The following ZCCHC8 variants were observed in gnomAD, a reference collection of about 807,000 sequenced individuals.
The protein encoded by ZCCHC8 is zinc finger CCHC domain-containing protein 8.
A neutral mutation model predicts 70.6 loss-of-function variants in ZCCHC8; 27 were observed. That is an observed-to-expected ratio of 0.38 (90% CI 0.28 to 0.53). The LOEUF (loss-of-function observed/expected upper bound fraction) is 0.53, where lower values mean the gene tolerates loss of function less well. Ranked by LOEUF, ZCCHC8 falls within the 20% of genes least tolerant of loss-of-function variation. ZCCHC8 has a pLI of 0.81. For synonymous variants in ZCCHC8, 293 were observed against 317.4 expected (o/e 0.92, Z 0.82); for missense variants, 737 against 876.9 (o/e 0.84, Z 2.01).
At position 122,480,325 on chromosome 12, in the gene ZCCHC8, TA is replaced by T; in HGVS notation, c.1019-15del. ...CATCAGTGCCATCTATTACAGACCATAAAAAGTGTTAATATTGCTAAATGTC... is the reference window on the plus strand; with the variant it reads ...CATCAGTGCCATCTATTACAGACCATAAAAGTGTTAATATTGCTAAATGTC... On this transcript the variant is annotated splice_polypyrimidine_tract_variant and intron_variant, in intron 10 of 13. Coordinates refer to ENST00000633063, the MANE Select transcript of ZCCHC8 (RefSeq NM_017612.5). The T allele has an allele frequency of 6.3e-7, 1 of 1,596,688 alleles. No individual in the cohort carries two copies. The highest frequency in any genetic ancestry group is 8.5e-7 in the Non-Finnish European group (1 of 1,171,428).
chr12:122,497,736 T>C (rs540201136), intron 2 of ZCCHC8, among the ~76,000 whole-genome samples: 1 of 151,822 alleles, frequency 6.6e-6, no homozygotes, highest in Non-Finnish European at 1.5e-5. Context: ...AGGCTGGGCA[T>C]GGTGGCTCAT....
In ZCCHC8 at chr12:122,471,884, T is replaced by C. The variant is rs944514938; in HGVS notation, c.*1613A>G. 6.6e-6 allele frequency: 1 copy of C among 152,146 alleles called. No homozygotes were observed. The highest frequency in any genetic ancestry group is 2.4e-5 in the African/African-American group (1 of 41,432). 9.4% of individuals were successfully genotyped at this position (152,146 alleles called of 1,614,324 possible). A position where few individuals can be genotyped will look rare whatever the true frequency, so the allele number is the denominator to read the frequency against. On this transcript the variant is annotated 3_prime_UTR_variant, in exon 14 of 14. Transcript: ENST00000633063. ...CAATTCAAGACGATCTAAACATTTATTTTCATGGACTTGACTAATATAAAG... is the reference window on the plus strand; with the variant it reads ...CAATTCAAGACGATCTAAACATTTACTTTCATGGACTTGACTAATATAAAG...
In ZCCHC8 at chr12:122,473,955, A is replaced by T. The variant is rs938733311; in HGVS notation, c.1666T>A (p.Ser556Thr). The T allele has an allele frequency of 4.4e-6, 7 of 1,607,614 alleles. No individual in the cohort carries two copies. The highest frequency in any genetic ancestry group is 5.9e-6 in the Non-Finnish European group (7 of 1,177,896). The change falls in exon 14 of 14, where the codon TCA (serine) becomes ACA (threonine). Residue 556 changes from serine to threonine, a missense_variant. By Grantham distance (58) the Ser-to-Thr change is moderately conservative. Transcript: ENST00000633063. ...TCTAGCTCATTTGGACAAGGTGATG[A>T]GGCAACGGAATTGCCAGTTAAAGGT... ...DTPLTGNSVASSPCPNELDLP... is the reference protein window; with the variant it reads ...DTPLTGNSVATSPCPNELDLP...
chr12:122,481,210 G>A (rs956454504), intron 10 of ZCCHC8: 3 of 187,920 alleles, frequency 1.6e-5, no homozygotes, highest in Non-Finnish European at 3.3e-5. Context: ...ACATTTTACA[G>A]GTCTCCTGGC....
In ZCCHC8 at chr12:122,482,674, A is replaced by G. The variant is rs370454335; in HGVS notation, c.693T>C (p.Asn231=). The change falls in exon 8 of 14, where the codon AAT becomes AAC. Residue 231 remains asparagine (N), a synonymous_variant. Coordinates refer to ENST00000633063, the MANE Select transcript of ZCCHC8 (RefSeq NM_017612.5). ...TCATTTGGTGTTCTTCAGAACCACA[A>G]TTGAAACAGTGAGGCTTTGGCCTAT... The part of the protein sequence containing the change: ...KAKRPKPHCF[N]CGSEEHQMKD... 5.0e-6 allele frequency: 8 copies of G among 1,608,256 alleles called. 1 individual carries two copies. The Middle Eastern group carries it at 6.8e-4, about 136-fold the overall frequency.
rs545336204 is a variant in ZCCHC8 at position 122,494,390 on chromosome 12, A to T, written c.243-1601T>A. Among the ~76,000 whole-genome samples the T allele has an allele frequency of 7.6e-5, 10 of 132,160 alleles. 1 individual carries two copies. The highest frequency in any genetic ancestry group is 6.7e-4 in the Admixed American group (9 of 13,340). 86.7% of individuals were successfully genotyped at this position (132,160 alleles called of 152,430 possible). On this transcript the variant is annotated intron_variant, in intron 2 of 13. Transcript: ENST00000633063. ...AACATGGTGCAACCCCGTTTCTACT[A>T]AAAAAAAAAAAAATACAAAAATTAG...
chr12:122,481,674 A>AAT lies in ZCCHC8; in HGVS notation c.876-12_876-11dup. The AAT allele has an allele frequency of 6.2e-7, 1 of 1,607,854 alleles. No individual in the cohort carries two copies. Among genetic ancestry groups the AAT allele is most frequent in the South Asian group, 1.1e-5 (1 of 89,634 alleles). On this transcript the variant is annotated splice_polypyrimidine_tract_variant and intron_variant, in intron 9 of 13. Transcript: ENST00000633063. Reference sequence around the variant, plus strand: ...ATCTTGAAGTTCCTCACTAAGTAAAAATAAAGGAGGAAGAAAAATACTGAA... The same window carrying AAT: ...ATCTTGAAGTTCCTCACTAAGTAAAAATATAAAGGAGGAAGAAAAATACTGAA...
intron 2 of ZCCHC8, among the ~76,000 whole-genome samples, chr12:122,493,164 G>A (rs902516252): frequency 7.9e-5 from 12 of 152,038 alleles, no homozygotes; most frequent in African/African-American, 2.9e-4. Context: ...CATCTCACCA[G>A]CCTTAAAATT....
Position 122,477,836 on chromosome 12 carries a change from C to G in ZCCHC8, c.1345+5G>C. ...GAGAAATCAGAGCCATAGGATGAAACCTACCTGAATCGAGCTCCATGTCGG... is the reference window on the plus strand; with the variant it reads ...GAGAAATCAGAGCCATAGGATGAAAGCTACCTGAATCGAGCTCCATGTCGG... On this transcript the variant is annotated splice_donor_5th_base_variant and intron_variant, in intron 13 of 13. Coordinates refer to ENST00000633063, the MANE Select transcript of ZCCHC8 (RefSeq NM_017612.5). The G allele has an allele frequency of 1.3e-6, 2 of 1,582,458 alleles. No homozygotes were observed. Among genetic ancestry groups the G allele is most frequent in the Non-Finnish European group, 1.7e-6 (2 of 1,152,880 alleles).
At chr12:122,477,808 A>C in intron 13 of ZCCHC8, 33 bp downstream of exon 13, 1 of 1,425,820 alleles carries the variant, frequency 7.0e-7, no homozygotes, top group Non-Finnish European at 9.8e-7. Flanking sequence ...AAAAAAAAAA[A>C]GAGAGAAATC....
At chr12:122,489,152 G>T (rs532168629) in intron 5 of ZCCHC8, among the ~76,000 whole-genome samples, 139 of 152,270 alleles carry the variant, frequency 9.1e-4, no homozygotes, top group African/African-American at 3.3e-3. Context: ...CACAGTGGTT[G>T]GTCAATACAA....
intron 5 of ZCCHC8, among the ~76,000 whole-genome samples, chr12:122,487,407 TC>T (rs1254431419): frequency 3.3e-5 from 5 of 152,194 alleles, no homozygotes; most frequent in African/African-American, 1.2e-4. Flanking sequence ...AACCTTAGGG[TC>T]AGAAGGAAAA....
chr12:122,484,869 T>G (rs912865809), intron 5 of ZCCHC8, among the ~76,000 whole-genome samples: 1 of 152,148 alleles, frequency 6.6e-6, no homozygotes, highest in African/African-American at 2.4e-5. Context: ...TTGACACAAT[T>G]CTTCCTTCCT....
chr12:122,498,927 A>G (rs954406448), intron 1 of ZCCHC8, 58 bp from the exon 2 acceptor site: 7 of 1,450,698 alleles, frequency 4.8e-6, no homozygotes, highest in African/African-American at 4.2e-5. Context: ...ATAAAATTCA[A>G]CTACTACTTC....
rs1298146188 is a variant in ZCCHC8 at position 122,500,846 on chromosome 12, G to A, written c.-6C>T. The A allele has an allele frequency of 1.3e-6, 2 of 1,563,476 alleles. No individual in the cohort carries two copies. The highest frequency in any genetic ancestry group is 1.9e-5 in the Admixed American group (1 of 52,264). ...AAATACACCTCTGCGGCCATTTTGG[G>A]CTGTGGAAAAGATTCGAGAAGAGGC... On this transcript the variant is annotated 5_prime_UTR_variant, in exon 1 of 14. Transcript: ENST00000633063. The surrounding 1 kb of genome is among the most constrained non-coding windows in gnomAD (Gnocchi z 4.8).
intron 2 of ZCCHC8, among the ~76,000 whole-genome samples, chr12:122,493,732 C>G (rs1026852872): frequency 7.2e-5 from 11 of 152,208 alleles, no homozygotes; most frequent in African/African-American, 2.2e-4. Flanking sequence ...CCTGCCTCAG[C>G]TTCCCAAGTA....
chr12:122,485,041 T>C (rs1957606153), intron 5 of ZCCHC8, among the ~76,000 whole-genome samples: 1 of 152,188 alleles, frequency 6.6e-6, no homozygotes, highest in Non-Finnish European at 1.5e-5. Flanking sequence ...CTTTCACTAC[T>C]CAGGTGGTTC....
At chr12:122,480,050 G>C (rs1957500924) in intron 11 of ZCCHC8, 140 bp downstream of exon 11, 1 of 726,044 alleles carries the variant, frequency 1.4e-6, no homozygotes, top group South Asian at 2.0e-5. Flanking sequence ...GGACTCAAGT[G>C]ATCATCTTGC....
chr12:122,494,013 A>G (rs1957787851), intron 2 of ZCCHC8, among the ~76,000 whole-genome samples: 1 of 152,228 alleles, frequency 6.6e-6, no homozygotes, highest in African/African-American at 2.4e-5. Flanking sequence ...AGCATATTGT[A>G]CTAAATATCT....
Sources: gnomAD v4.1 joint callset for allele counts (sites outside exome capture counted in the v4.1 genomes callset) on GRCh38, gnomAD v4.1.1 for gene constraint, Gnocchi (gnomAD v3.1) non-coding constraint, MANE v1.5 for transcripts, NCBI Gene and HGNC (gene_info 2026-07-23, HGNC 2026-07-21) for gene names.